Variants in LARP1B observed in about 807,000 individuals in gnomAD.
The protein encoded by LARP1B is La ribonucleoprotein 1B.
A neutral mutation model predicts 114.2 loss-of-function variants in LARP1B; 76 were observed. That is an observed-to-expected ratio of 0.67 (90% CI 0.55 to 0.81). The LOEUF (loss-of-function observed/expected upper bound fraction) is 0.81. Among genes scored for constraint, LARP1B ranks in the 30% least tolerant of loss-of-function variants. The probability of loss-of-function intolerance (pLI) is 0.00; values close to 1 mark genes in which losing one functional copy is unlikely to be tolerated. For synonymous variants in LARP1B, 345 were observed against 348.0 expected, an observed-to-expected ratio of 0.99 and a Z score of 0.10; for missense variants, 1,014 against 1,075.8, an observed-to-expected ratio of 0.94 and a Z score of 0.80.
Position 128,221,004 on chromosome 4 carries a change from T to C in LARP1B, n.934+564T>C, listed in dbSNP as rs1759981244. On this transcript the variant is annotated intron_variant and non_coding_transcript_variant, in intron 7 of 7. Transcript: ENST00000503725. ...AGCGTGAAATAGAACACAGAACCCCTGACTTTCGAACTCAACTGCAATGAT... is the reference window on the plus strand; with the variant it reads ...AGCGTGAAATAGAACACAGAACCCCCGACTTTCGAACTCAACTGCAATGAT... Among the ~76,000 whole-genome samples the C allele has an allele frequency of 2.0e-5, 3 of 152,364 alleles. No homozygotes were observed. The South Asian group carries it at 6.2e-4, about 32-fold the overall frequency.
chr4:128,217,187 G>A (rs1355114252), intron 6 of LARP1B, among the ~76,000 whole-genome samples: 1 of 137,100 alleles, frequency 7.3e-6, no homozygotes, highest in East Asian at 2.1e-4. Context: ...GGACCAGATG[G>A]ATTCACAGCC....
At chr4:128,156,105 C>T in intron 11 of LARP1B, 1 of 1,608,092 alleles carries the variant, frequency 6.2e-7, no homozygotes, top group Non-Finnish European at 8.5e-7. Flanking sequence ...CCTACCCCAG[C>T]ACTCCTGAGC....
At chr4:128,133,019 C>T (rs1221612049) in intron 11 of LARP1B, among the ~76,000 whole-genome samples, 4 of 152,134 alleles carry the variant, frequency 2.6e-5, no homozygotes, top group South Asian at 2.1e-4. Flanking sequence ...GGTTCATGCT[C>T]CTATGAGAAT....
intron 13 of LARP1B, 74 bp from the exon 14 acceptor site, chr4:128,178,357 C>T: frequency 9.2e-7 from 1 of 1,083,660 alleles, no homozygotes. Flanking sequence ...TAGAGAATTA[C>T]AAAATTATCC....
chr4:128,174,434 G>A (rs146877229), intron 12 of LARP1B, among the ~76,000 whole-genome samples: 96 of 151,806 alleles, frequency 6.3e-4, no homozygotes, highest in Non-Finnish European at 1.1e-3. Context: ...TTATAAATTG[G>A]TATATGATAG....
chr4:128,160,099 A>T (rs1417105852), intron 11 of LARP1B, among the ~76,000 whole-genome samples: 2 of 152,168 alleles, frequency 1.3e-5, no homozygotes, highest in African/African-American at 2.4e-5. Flanking sequence ...TACATTGTCT[A>T]CCTAACTGCA....
chr4:128,122,525 A>G, intron 11 of LARP1B: 1 of 1,530,468 alleles, frequency 6.5e-7, no homozygotes, highest in Non-Finnish European at 8.7e-7. Flanking sequence ...AAGAATAAAA[A>G]CAAGTTACTG....
At chr4:128,139,628 C>T (rs981177173) in intron 11 of LARP1B, among the ~76,000 whole-genome samples, 1 of 151,530 alleles carries the variant, frequency 6.6e-6, no homozygotes, top group African/African-American at 2.4e-5. Flanking sequence ...CCATTGCACT[C>T]CAGCCTGGGC....
At chr4:128,190,647 C>A (rs1019020743) in intron 15 of LARP1B, among the ~76,000 whole-genome samples, 2 of 152,164 alleles carry the variant, frequency 1.3e-5, no homozygotes, top group African/African-American at 4.8e-5. Flanking sequence ...CTCTCTCTCA[C>A]CTGCTGCAGT....
rs377228613 is a variant in LARP1B at position 128,077,909 on chromosome 4, C to T, written c.164C>T (p.Pro55Leu). 6 of 1,613,150 alleles carry T rather than the reference C, an allele frequency of 3.7e-6. No individual in the cohort carries two copies. In the South Asian group the frequency reaches 5.5e-5, roughly 15 times the overall value. The change falls in exon 4 of 20, where the codon CCT becomes CTT. Residue 55 changes from proline (P) to leucine (L), a missense_variant. Physicochemically the swap from Pro to Leu is moderately conservative, Grantham distance 98. Coordinates refer to ENST00000326639, the MANE Select transcript of LARP1B (RefSeq NM_018078.4). ...KENRETKLNG[P>L]GENVSEDEAQ... ...AACCGGGAAACAAAATTAAATGGTC[C>T]TGGTGAAAACGTCAGTGAGGATGAG... is the stretch of plus-strand genomic sequence containing the variant.
intron 11 of LARP1B, among the ~76,000 whole-genome samples, chr4:128,124,290 A>G (rs1788906710): frequency 6.6e-6 from 1 of 152,190 alleles, no homozygotes; most frequent in Admixed American, 6.5e-5. Flanking sequence ...ACAGGATGCT[A>G]TTTCATTGAG....
chr4:128,222,457 C>T (rs1760096741), exon 8 of LARP1B: 2 of 433,242 alleles, frequency 4.6e-6, no homozygotes, highest in East Asian at 7.3e-5. Context: ...ACTCCAGTCG[C>T]CGCCCCACCC....
chr4:128,114,507 G>C (rs913596007), intron 9 of LARP1B, 63 bp from the exon 10 acceptor site: 1 of 1,199,372 alleles, frequency 8.3e-7, no homozygotes, highest in Non-Finnish European at 1.2e-6. Flanking sequence ...AAAAAATGAA[G>C]TGTATTTTGT....
intron 9 of LARP1B, among the ~76,000 whole-genome samples, chr4:128,109,137 A>G (rs1783106641): frequency 6.6e-6 from 1 of 152,176 alleles, no homozygotes; most frequent in Non-Finnish European, 1.5e-5. Flanking sequence ...TGAATTCCCA[A>G]ATTTCTGACC....
chr4:128,074,405 T>C, intron 1 of LARP1B, 55 bp from the exon 2 acceptor site: 1 of 292,500 alleles, frequency 3.4e-6, no homozygotes, highest in Non-Finnish European at 5.1e-6. Context: ...ATAGTTATTT[T>C]GTTGAATTTA....
At chr4:128,165,735 G>T in intron 12 of LARP1B, among the ~76,000 whole-genome samples, 1 of 152,052 alleles carries the variant, frequency 6.6e-6, no homozygotes, top group Non-Finnish European at 1.5e-5. Flanking sequence ...TATAAGAGGG[G>T]TCAAATCAGT....
chr4:128,061,714 G>A lies in LARP1B; in HGVS notation c.-78+313G>A, dbSNP rs540849671. ...GGACGATGTCTACTCGCGCCCCGAT[G>A]CCCGCCGCCCATTCTCGGGAGGATC... On this transcript the variant is annotated intron_variant, in intron 1 of 19. Transcript: ENST00000326639. 8.0e-5 allele frequency: 79 copies of A among 984,976 alleles called. No homozygotes were observed. In the East Asian group the frequency reaches 7.5e-3, roughly 93 times the overall value. The allele number at this position is 984,976 out of a possible 1,614,324, so 61.0% of individuals were successfully genotyped here.
intron 1 of LARP1B, among the ~76,000 whole-genome samples, chr4:128,069,842 C>T (rs1248037356): frequency 1.3e-5 from 2 of 152,016 alleles, no homozygotes; most frequent in African/African-American, 4.8e-5. Flanking sequence ...CTATGTTCAT[C>T]ATCAACCTCT....
chr4:128,078,363 C>T (rs1373429806), intron 4 of LARP1B, among the ~76,000 whole-genome samples: 7 of 152,040 alleles, frequency 4.6e-5, no homozygotes, highest in Non-Finnish European at 8.8e-5. Context: ...CACCTGTAAT[C>T]CTAGCACTCT....
Sources: gnomAD v4.1 joint callset for allele counts (sites outside exome capture counted in the v4.1 genomes callset) on GRCh38, gnomAD v4.1.1 for gene constraint, MANE v1.5 for transcripts, NCBI Gene and HGNC (gene_info 2026-07-23, HGNC 2026-07-21) for gene names.